Variants in TMEM196 observed in about 807,000 individuals in gnomAD.
TMEM196 encodes the protein transmembrane protein 196.
In TMEM196, 17 loss-of-function variants were observed where a neutral mutation model predicts 20.0. That is an observed-to-expected ratio of 0.85 (90% confidence interval 0.58 to 1.27). The LOEUF is 1.27. TMEM196 is among the 50% of genes most tolerant of loss of function. TMEM196 has a pLI of 0.00. For synonymous variants in TMEM196, 113 were observed against 88.9 expected (o/e 1.27, Z -1.52); for missense variants, 267 against 223.0 (o/e 1.20, Z -1.26).
intron 1 of TMEM196, among the ~76,000 whole-genome samples, chr7:19,739,531 A>G (rs991768059): frequency 1.3e-4 from 20 of 152,152 alleles, no homozygotes; most frequent in African/African-American, 4.6e-4. Context: ...AGAAGTTGCC[A>G]TCTTTGAAGC....
chr7:19,768,188 T>C (rs1014840326), intron 1 of TMEM196, among the ~76,000 whole-genome samples: 3 of 152,110 alleles, frequency 2.0e-5, no homozygotes, highest in Non-Finnish European at 4.4e-5. Context: ...ATGATTTAGA[T>C]AAGAAAACTT....
At chr7:19,745,616 T>C (rs767699540) in intron 1 of TMEM196, among the ~76,000 whole-genome samples, 2 of 151,254 alleles carry the variant, frequency 1.3e-5, no homozygotes, top group Non-Finnish European at 2.9e-5. Context: ...AATAAGTTAA[T>C]ATTTTCAAAG....
intron 1 of TMEM196, among the ~76,000 whole-genome samples, chr7:19,769,389 T>C (rs1378489591): frequency 6.6e-6 from 1 of 152,128 alleles, no homozygotes; most frequent in Non-Finnish European, 1.5e-5. Context: ...CAGTCTCCTA[T>C]GGTCTGGCCC....
At chr7:19,728,969 A>G (rs376821125) in intron 2 of TMEM196, among the ~76,000 whole-genome samples, 23 of 152,224 alleles carry the variant, frequency 1.5e-4, no homozygotes, top group African/African-American at 5.5e-4. Context: ...CTTGCTTCAC[A>G]GTCAAAGAAA....
rs778751537 is a variant in TMEM196, at chr7:19,725,685, T to A, written c.288A>T (p.Lys96Asn). The change falls in exon 3 of 5, where the codon AAA becomes AAT. Residue 96 changes from lysine (K) to asparagine (N), a missense_variant. Lys to Asn is a moderately conservative substitution (Grantham distance 94). Transcript: ENST00000405844. ...NFQFLRAVTK[K>N]TSSLYPLHLA... ...GGTGCAGTGGGTATAGGGAGGAAGT[T>A]TTCTTTGTGACTGCCCGGAGGAACT... 45 of 1,613,678 alleles carry A rather than the reference T, an allele frequency of 2.8e-5. 1 individual carries two copies. The highest frequency in any genetic ancestry group is 3.4e-5 in the Non-Finnish European group (40 of 1,179,790).
chr7:19,731,728 G>A (rs1243190411), intron 1 of TMEM196, among the ~76,000 whole-genome samples: 1 of 152,308 alleles, frequency 6.6e-6, no homozygotes, highest in Non-Finnish European at 1.5e-5. Flanking sequence ...AGAACATCTA[G>A]GTGGCAATAA....
At chr7:19,769,894 C>G (rs189112647) in intron 1 of TMEM196, among the ~76,000 whole-genome samples, 142 of 152,248 alleles carry the variant, frequency 9.3e-4, no homozygotes, top group Middle Eastern at 3.4e-3. Context: ...ATTTTGGTAA[C>G]CAGGAGTGCC....
At chr7:19,756,346 A>T (rs1785209857) in intron 1 of TMEM196, among the ~76,000 whole-genome samples, 1 of 149,912 alleles carries the variant, frequency 6.7e-6, no homozygotes. Context: ...TTTTACCTGT[A>T]GCACATCTTT....
At chr7:19,732,149 A>G (rs925194737) in intron 1 of TMEM196, among the ~76,000 whole-genome samples, 2 of 152,232 alleles carry the variant, frequency 1.3e-5, no homozygotes, top group Admixed American at 1.3e-4. Flanking sequence ...GATTTAATTA[A>G]TCCCTCGAAG....
intron 1 of TMEM196, among the ~76,000 whole-genome samples, chr7:19,765,508 T>C (rs189946285): frequency 6.6e-6 from 1 of 152,316 alleles, no homozygotes; most frequent in Admixed American, 6.5e-5. Context: ...AGCATCTTTA[T>C]TAGATGTGTT....
chr7:19,767,616 A>G (rs973094342), intron 1 of TMEM196, among the ~76,000 whole-genome samples: 2 of 152,088 alleles, frequency 1.3e-5, no homozygotes, highest in African/African-American at 4.8e-5. Context: ...ATAACTTTGA[A>G]CAACATTTTG....
chr7:19,724,186 T>A, intron 4 of TMEM196, 94 bp downstream of exon 4: 1 of 1,125,582 alleles, frequency 8.9e-7, no homozygotes, highest in Non-Finnish European at 1.3e-6. Flanking sequence ...ACAACATCAG[T>A]TCAGACTGAT....
At chr7:19,763,363 G>A (rs920691557) in intron 1 of TMEM196, among the ~76,000 whole-genome samples, 1 of 151,718 alleles carries the variant, frequency 6.6e-6, no homozygotes, top group Non-Finnish European at 1.5e-5. Flanking sequence ...TAATTGGCAG[G>A]GTACAAATTT....
chr7:19,772,456 G>A (rs1785921983), intron 1 of TMEM196, 94 bp downstream of exon 1: 2 of 1,331,406 alleles, frequency 1.5e-6, no homozygotes, highest in Non-Finnish European at 2.0e-6. Context: ...TTGTTTCCCA[G>A]GGAGGGAGTG....
intron 1 of TMEM196, among the ~76,000 whole-genome samples, chr7:19,770,386 A>T (rs1301733144): frequency 6.6e-6 from 1 of 152,200 alleles, no homozygotes; most frequent in Non-Finnish European, 1.5e-5. Flanking sequence ...TAAATTCATC[A>T]TTGAAGAAAG....
intron 1 of TMEM196, among the ~76,000 whole-genome samples, chr7:19,733,618 A>G (rs1784288595): frequency 6.6e-6 from 1 of 151,520 alleles, no homozygotes; most frequent in East Asian, 2.0e-4. Context: ...ATTCAAATAT[A>G]GATTGCCACT....
At chr7:19,723,174 G>T (rs181264893) in intron 4 of TMEM196, among the ~76,000 whole-genome samples, 107 of 152,100 alleles carry the variant, frequency 7.0e-4, no homozygotes, top group African/African-American at 2.5e-3. Flanking sequence ...AATATATTAG[G>T]GTTATGTGCT....
intron 1 of TMEM196, among the ~76,000 whole-genome samples, chr7:19,753,293 CTA>C (rs1041501221): frequency 6.6e-6 from 1 of 152,026 alleles, no homozygotes; most frequent in Non-Finnish European, 1.5e-5. Context: ...ATTTTTTATT[CTA>C]TGTTATAACC....
rs1040019114 is a variant in TMEM196, at chr7:19,719,834, G to A, written c.*2294C>T. 2 of 152,022 alleles carry A rather than the reference G, an allele frequency of 1.3e-5. No individual in the cohort carries two copies. Among genetic ancestry groups the A allele is most frequent in the Non-Finnish European group, 2.9e-5 (2 of 67,946 alleles). The allele number at this position is 152,022 out of a possible 1,614,324, so 9.4% of individuals were successfully genotyped here. A position where few individuals can be genotyped will look rare whatever the true frequency, so the allele number is the denominator to read the frequency against. Reference sequence around the variant, plus strand: ...GTTAAACATACACTGTAAACTATTTGAATAATTGTGATGATGGCATCTCTT... The same window carrying A: ...GTTAAACATACACTGTAAACTATTTAAATAATTGTGATGATGGCATCTCTT... On this transcript the variant is annotated 3_prime_UTR_variant, in exon 5 of 5. Coordinates refer to ENST00000405844, the MANE Select transcript of TMEM196 (RefSeq NM_001363562.2).
Sources: gnomAD v4.1 joint callset for allele counts (sites outside exome capture counted in the v4.1 genomes callset) on GRCh38, gnomAD v4.1.1 for gene constraint, MANE v1.5 for transcripts, NCBI Gene and HGNC (gene_info 2026-07-23, HGNC 2026-07-21) for gene names.